PDCD6IP: variants seen among roughly 807,000 people sequenced by gnomAD.
PDCD6IP encodes the protein programmed cell death 6-interacting protein.
PDCD6IP carries 43 observed loss-of-function variants against 103.7 expected under a neutral mutation model. The ratio of observed to expected loss-of-function variants is 0.41; its 90% CI spans 0.32 to 0.53. The LOEUF is 0.53. PDCD6IP is among the 20% of genes least tolerant of loss of function. The pLI is 0.16. For missense variants in PDCD6IP, 871 were observed against 1,036.7 expected (o/e 0.84, Z 2.20); for synonymous variants, 354 against 378.7 (o/e 0.93, Z 0.76).
intron 16 of PDCD6IP, 48 bp from the exon 17 acceptor site, chr3:33,865,195 G>T: frequency 7.6e-7 from 1 of 1,308,842 alleles, no homozygotes; most frequent in Non-Finnish European, 1.0e-6. Context: ...ATAGCAATTT[G>T]AGAGAAATAT....
chr3:33,844,031 T>C, intron 10 of PDCD6IP, 81 bp from the exon 11 acceptor site: 1 of 838,530 alleles, frequency 1.2e-6, no homozygotes, highest in Non-Finnish European at 1.9e-6. Flanking sequence ...TCACTTATAT[T>C]GTGTATGAAC....
At chr3:33,856,699 A>G (rs1034224415) in intron 15 of PDCD6IP, among the ~76,000 whole-genome samples, 1 of 152,156 alleles carries the variant, frequency 6.6e-6, no homozygotes, top group African/African-American at 2.4e-5. Context: ...TTAAAAGATA[A>G]TGGCAGAATC....
At chr3:33,833,999 G>A (rs910740051) in intron 7 of PDCD6IP, among the ~76,000 whole-genome samples, 1 of 152,130 alleles carries the variant, frequency 6.6e-6, no homozygotes, top group African/African-American at 2.4e-5. Flanking sequence ...CACAGCCTTT[G>A]CATTTCAAGT....
chr3:33,843,072 G>C (rs1355853826), intron 10 of PDCD6IP, among the ~76,000 whole-genome samples: 2 of 152,084 alleles, frequency 1.3e-5, no homozygotes, highest in Admixed American at 6.6e-5. Flanking sequence ...TTTATCTTAA[G>C]ACTTTGTGTC....
At chr3:33,856,394 C>T (rs927322575) in intron 15 of PDCD6IP, among the ~76,000 whole-genome samples, 3 of 151,674 alleles carry the variant, frequency 2.0e-5, no homozygotes, top group African/African-American at 7.3e-5. Context: ...GCACAAAGGG[C>T]GAATAAACAC....
Position 33,838,315 on chromosome 3 carries a change from C to G in PDCD6IP, c.1169C>G (p.Thr390Ser), listed in dbSNP as rs767393361. 1.1e-5 allele frequency: 17 copies of G among 1,612,694 alleles called. No individual in the cohort carries two copies. Among genetic ancestry groups the G allele is most frequent in the Admixed American group, 3.3e-5 (2 of 59,930 alleles). Residue 390 changes from threonine to serine, a missense_variant, in exon 9 of 18, where the codon ACT becomes AGT. Coordinates refer to ENST00000307296, the MANE Select transcript of PDCD6IP (RefSeq NM_013374.6). ...ATTGCTCAGATGAGAGAAGCCACCA[C>G]TTTGGCAAATGGGTAGGTAGAGCTT... The part of the protein sequence containing the change: ...RSIAQMREAT[T>S]LANGVLASLN...
intron 15 of PDCD6IP, among the ~76,000 whole-genome samples, chr3:33,861,509 T>G (rs113343267): frequency 0.04 from 6,151 of 152,318 alleles, 188 homozygotes; most frequent in South Asian, 0.074. Context: ...TTGATAGTCA[T>G]GTGTGGCTAA....
chr3:33,846,066 G>A (rs553024975), intron 12 of PDCD6IP, among the ~76,000 whole-genome samples: 99 of 152,302 alleles, frequency 6.5e-4, no homozygotes, highest in Non-Finnish European at 1.2e-3. Flanking sequence ...TGACAGGAAA[G>A]AGAAAATTGA....
intron 1 of PDCD6IP, among the ~76,000 whole-genome samples, chr3:33,809,082 G>A (rs1696660436): frequency 6.6e-6 from 1 of 152,148 alleles, no homozygotes. Flanking sequence ...AAATGACCAT[G>A]TTATTTAAAA....
intron 4 of PDCD6IP, among the ~76,000 whole-genome samples, chr3:33,823,437 A>G (rs1264709241): frequency 6.6e-6 from 1 of 152,238 alleles, no homozygotes; most frequent in Non-Finnish European, 1.5e-5. Flanking sequence ...ATAGATGACA[A>G]ACATAATGCA....
chr3:33,835,974 C>A lies in PDCD6IP; in HGVS notation c.835-70C>A, dbSNP rs929196434. On this transcript the variant is annotated intron_variant, in intron 7 of 17. Coordinates refer to ENST00000307296, the MANE Select transcript of PDCD6IP (RefSeq NM_013374.6). ...TTTTTTTGAAACCAATGCTTAAATA[C>A]TTGGTGGGGAAAGAGAAATAAAATC... The A allele has an allele frequency of 6.8e-6, 6 of 884,692 alleles. No individual in the cohort carries two copies. The African/African-American group carries it at 1.0e-4, about 15-fold the overall frequency. 54.8% of individuals were successfully genotyped at this position (884,692 alleles called of 1,614,324 possible).
chr3:33,858,580 G>C (rs1697880602), intron 15 of PDCD6IP, among the ~76,000 whole-genome samples: 1 of 152,160 alleles, frequency 6.6e-6, no homozygotes, highest in African/African-American at 2.4e-5. Context: ...GGAGGCTGAG[G>C]CGGGCGGATC....
At chr3:33,806,035 G>C (rs944068929) in intron 1 of PDCD6IP, among the ~76,000 whole-genome samples, 1 of 152,072 alleles carries the variant, frequency 6.6e-6, no homozygotes, top group Non-Finnish European at 1.5e-5. Context: ...GTGTGCCACC[G>C]TGCCCAGCCT....
At chr3:33,815,056 T>C (rs1320162850) in intron 3 of PDCD6IP, among the ~76,000 whole-genome samples, 1 of 148,726 alleles carries the variant, frequency 6.7e-6, no homozygotes, top group East Asian at 1.9e-4. Context: ...AAGATATAGA[T>C]GTATAATATG....
At chr3:33,853,219 T>C (rs573826662) in intron 13 of PDCD6IP, among the ~76,000 whole-genome samples, 2 of 152,224 alleles carry the variant, frequency 1.3e-5, no homozygotes, top group East Asian at 3.9e-4. Context: ...CACCATGCCC[T>C]GCAGAAACAA....
At position 33,821,895 on chromosome 3, in the gene PDCD6IP, A is replaced by G. The variant is rs1205820729; in HGVS notation, c.335-60A>G. The G allele has an allele frequency of 1.4e-5, 21 of 1,510,276 alleles. 1 individual carries two copies. The South Asian group carries it at 1.8e-4, about 13-fold the overall frequency. The allele number at this position is 1,510,276 out of a possible 1,614,324, so 93.6% of individuals were successfully genotyped here. Reference sequence around the variant, plus strand: ...GAGAGGTCATAGTATTTCTCTTTGAAACATTTGTTTTCTTTAGAAAAAATA... The same window carrying G: ...GAGAGGTCATAGTATTTCTCTTTGAGACATTTGTTTTCTTTAGAAAAAATA... On this transcript the variant is annotated intron_variant, in intron 3 of 17. Coordinates refer to ENST00000307296, the MANE Select transcript of PDCD6IP (RefSeq NM_013374.6).
At chr3:33,799,056 AC>A in intron 1 of PDCD6IP, 119 bp downstream of exon 1, 1 of 987,676 alleles carries the variant, frequency 1.0e-6, no homozygotes, top group Non-Finnish European at 1.4e-6. Context: ...TCCCGGCCTG[AC>A]CAGGCGCGTA....
chr3:33,838,707 C>G (rs1448770677), intron 9 of PDCD6IP, among the ~76,000 whole-genome samples: 1 of 151,800 alleles, frequency 6.6e-6, no homozygotes, highest in Non-Finnish European at 1.5e-5. Flanking sequence ...ATTTTACACA[C>G]ACAAAATACA....
intron 4 of PDCD6IP, among the ~76,000 whole-genome samples, chr3:33,823,171 C>G (rs1427903680): frequency 6.6e-6 from 1 of 152,040 alleles, no homozygotes; most frequent in African/African-American, 2.4e-5. Context: ...GGCTAAAGGT[C>G]CGAAGTCTTA....
Sources: gnomAD v4.1 joint callset for allele counts (sites outside exome capture counted in the v4.1 genomes callset) on GRCh38, gnomAD v4.1.1 for gene constraint, MANE v1.5 for transcripts, NCBI Gene and HGNC (gene_info 2026-07-23, HGNC 2026-07-21) for gene names.